The following BLVRA variants were observed in gnomAD, a reference collection of about 807,000 sequenced individuals.
BLVRA encodes the protein BVR A.
In BLVRA, 22 loss-of-function variants were observed where a neutral mutation model predicts 32.8. The observed-to-expected ratio is 0.67, with a 90% CI of 0.48 to 0.96. The LOEUF (loss-of-function observed/expected upper bound fraction) is 0.96, where lower values mean the gene tolerates loss of function less well. Among genes scored for constraint, BLVRA ranks in the 40% least tolerant of loss-of-function variants. The pLI is 0.00. For synonymous variants in BLVRA, 119 were observed against 141.3 expected, an observed-to-expected ratio of 0.84 and a Z score of 1.12; for missense variants, 323 against 358.1, an observed-to-expected ratio of 0.90 and a Z score of 0.79.
At chr7:43,760,323 T>C (rs1240245935) in intron 1 of BLVRA, among the ~76,000 whole-genome samples, 1 of 152,226 alleles carries the variant, frequency 6.6e-6, no homozygotes, top group Non-Finnish European at 1.5e-5. Flanking sequence ...ACACTGCTTA[T>C]TACTCCCAGT....
At chr7:43,775,572 G>A (rs2095759813) in intron 2 of BLVRA, among the ~76,000 whole-genome samples, 1 of 152,056 alleles carries the variant, frequency 6.6e-6, no homozygotes, top group Non-Finnish European at 1.5e-5. Flanking sequence ...TTGCATCAAT[G>A]TTCATCAAGG....
Position 43,786,420 on chromosome 7 carries a change from A to G in BLVRA, c.13-1484A>G, listed in dbSNP as rs549893483. On this transcript the variant is annotated intron_variant, in intron 2 of 7. Transcript: ENST00000265523. ...CTGATAGAACTGAAAGGAGAAATACACAGTTATATACAATTATATTCAGAG... is the reference window on the plus strand; with the variant it reads ...CTGATAGAACTGAAAGGAGAAATACGCAGTTATATACAATTATATTCAGAG... 9.6e-4 allele frequency among the ~76,000 whole-genome samples: 146 copies of G among 152,362 alleles called. 2 individuals carry two copies. Among genetic ancestry groups the G allele is most frequent in the Middle Eastern group, 6.8e-3 (2 of 294 alleles).
chr7:43,767,155 TTATG>T, intron 1 of BLVRA: 1 of 497,138 alleles, frequency 2.0e-6, no homozygotes, highest in Non-Finnish European at 3.6e-6. Flanking sequence ...TTTCCCCAGA[TTATG>T]TAGGAAAACA....
intron 5 of BLVRA, among the ~76,000 whole-genome samples, chr7:43,793,362 TA>T (rs1380140940): frequency 1.3e-5 from 2 of 152,224 alleles, no homozygotes; most frequent in Non-Finnish European, 2.9e-5. Context: ...TCAAAGAAGT[TA>T]ATTTGTGCCA....
At chr7:43,767,340 C>G in intron 1 of BLVRA, 2 of 1,583,428 alleles carry the variant, frequency 1.3e-6, no homozygotes, top group East Asian at 2.2e-5. Context: ...CTCCTAAGTT[C>G]GGAAAAGAAA....
rs2095790716 is a variant in BLVRA at position 43,795,422 on chromosome 7, A to G, written c.352+2610A>G. Reference sequence around the variant, plus strand: ...TCCCAGCTACTGGGGAGGCTGAGGCAGGAGAATTGCTTAAACCCAGGAGGC... The same window carrying G: ...TCCCAGCTACTGGGGAGGCTGAGGCGGGAGAATTGCTTAAACCCAGGAGGC... On this transcript the variant is annotated intron_variant, in intron 5 of 7. Coordinates refer to ENST00000265523, the MANE Select transcript of BLVRA (RefSeq NM_000712.4). Among the ~76,000 whole-genome samples the G allele has an allele frequency of 2.0e-5, 3 of 151,990 alleles. No individual in the cohort carries two copies. The South Asian group carries it at 6.2e-4, about 32-fold the overall frequency.
intron 2 of BLVRA, among the ~76,000 whole-genome samples, chr7:43,780,431 TAAA>T (rs2132563318): frequency 6.6e-6 from 1 of 152,330 alleles, no homozygotes; most frequent in Non-Finnish European, 1.5e-5. Flanking sequence ...GCTCTAATGG[TAAA>T]AATGTAAGTG....
At chr7:43,794,303 C>T (rs2095789431) in intron 5 of BLVRA, among the ~76,000 whole-genome samples, 1 of 152,140 alleles carries the variant, frequency 6.6e-6, no homozygotes, top group African/African-American at 2.4e-5. Flanking sequence ...CACTACTAGA[C>T]CTGCCCTACA....
chr7:43,765,627 C>T (rs2132544847), intron 1 of BLVRA, among the ~76,000 whole-genome samples: 1 of 152,230 alleles, frequency 6.6e-6, no homozygotes, highest in East Asian at 1.9e-4. Context: ...ATTAATTCAC[C>T]CTAATTTAAT....
rs17239593 is a variant in BLVRA, at chr7:43,791,546, A to G, written c.254+178A>G. On this transcript the variant is annotated intron_variant, in intron 4 of 7. Coordinates refer to ENST00000265523, the MANE Select transcript of BLVRA (RefSeq NM_000712.4). ...AAGAAATTCTTATTGCTGGTTATAA[A>G]TATATAAGGAAGTGAAAAATAGTAA... The G allele has an allele frequency of 6.0e-5, 39 of 649,756 alleles. No individual in the cohort carries two copies. The African/African-American group carries it at 6.4e-4, about 11-fold the overall frequency. The allele number at this position is 649,756 out of a possible 1,614,324, so 40.2% of individuals were successfully genotyped here. A position where few individuals can be genotyped will look rare whatever the true frequency, so the allele number is the denominator to read the frequency against.
chr7:43,800,208 G>A (rs576445964), intron 5 of BLVRA, among the ~76,000 whole-genome samples: 18 of 152,170 alleles, frequency 1.2e-4, no homozygotes, highest in African/African-American at 2.9e-4. Flanking sequence ...TGCCAGCCTC[G>A]GCCTTCCAAA....
chr7:43,759,670 C>T (rs187925503), intron 1 of BLVRA, among the ~76,000 whole-genome samples: 1 of 152,274 alleles, frequency 6.6e-6, no homozygotes, highest in East Asian at 1.9e-4. Context: ...ATCATCACCA[C>T]CTACAAAGGA....
At chr7:43,761,977 G>A (rs1386743482) in intron 1 of BLVRA, among the ~76,000 whole-genome samples, 1 of 152,102 alleles carries the variant, frequency 6.6e-6, no homozygotes, top group Non-Finnish European at 1.5e-5. Flanking sequence ...CAGGGCAAGA[G>A]TTGCTTTTAC....
chr7:43,768,205 TC>T (rs1042525029), intron 1 of BLVRA, among the ~76,000 whole-genome samples: 5 of 152,230 alleles, frequency 3.3e-5, no homozygotes, highest in Non-Finnish European at 7.3e-5. Context: ...AATTTCCTTT[TC>T]TGGGAACCAG....
chr7:43,790,250 C>T (rs1009658842), intron 3 of BLVRA, among the ~76,000 whole-genome samples: 5 of 152,034 alleles, frequency 3.3e-5, no homozygotes, highest in Non-Finnish European at 5.9e-5. Flanking sequence ...TTTGGCTCTT[C>T]GAAGACTGCA....
At chr7:43,792,856 A>T (rs761834880) in intron 5 of BLVRA, 44 bp downstream of exon 5, 30 of 1,575,798 alleles carry the variant, frequency 1.9e-5, no homozygotes, top group Non-Finnish European at 2.6e-5. Context: ...GATTTCTGTG[A>T]TATCATCTTT....
At chr7:43,804,430 G>A (rs1284892997) in intron 7 of BLVRA, among the ~76,000 whole-genome samples, 1 of 147,612 alleles carries the variant, frequency 6.8e-6, no homozygotes, top group Non-Finnish European at 1.5e-5. Context: ...AACAGAGCGA[G>A]ACTCCTTCTT....
At chr7:43,768,781 T>TCC (rs1414312134) in intron 1 of BLVRA, among the ~76,000 whole-genome samples, 1 of 152,040 alleles carries the variant, frequency 6.6e-6, no homozygotes, top group East Asian at 1.9e-4. Flanking sequence ...CTGTGGGGCC[T>TCC]CCAGGTAGCC....
At chr7:43,770,460 A>C (rs2095753329) in intron 1 of BLVRA, among the ~76,000 whole-genome samples, 1 of 152,102 alleles carries the variant, frequency 6.6e-6, no homozygotes, top group Non-Finnish European at 1.5e-5. Context: ...TGGCCTTCCA[A>C]ATCAGAATCT....
Sources: gnomAD v4.1 joint callset for allele counts (sites outside exome capture counted in the v4.1 genomes callset) on GRCh38, gnomAD v4.1.1 for gene constraint, MANE v1.5 for transcripts, NCBI Gene and HGNC (gene_info 2026-07-23, HGNC 2026-07-21) for gene names.